The following SLCO6A1 variants were observed in gnomAD, a reference collection of about 807,000 sequenced individuals.
The protein encoded by SLCO6A1 is solute carrier organic anion transporter family member 6A1.
In SLCO6A1, 65 loss-of-function variants were observed where a neutral mutation model predicts 72.7. That is an observed-to-expected ratio of 0.89 (90% CI 0.73 to 1.10). The LOEUF is 1.10. SLCO6A1 is among the 50% of genes least tolerant of loss of function. SLCO6A1 has a pLI of 0.00. For missense variants in SLCO6A1, 874 were observed against 872.6 expected, an observed-to-expected ratio of 1.00 and a Z score of -0.02; for synonymous variants, 314 against 298.2, an observed-to-expected ratio of 1.05 and a Z score of -0.55.
chr5:102,442,393 G>A (rs932167226), intron 6 of SLCO6A1, among the ~76,000 whole-genome samples: 11 of 152,154 alleles, frequency 7.2e-5, no homozygotes, highest in Non-Finnish European at 1.3e-4. Flanking sequence ...ATCTGTAAAC[G>A]AGAAACAATA....
At chr5:102,380,883 G>A (rs773878514) in intron 12 of SLCO6A1, among the ~76,000 whole-genome samples, 4 of 151,848 alleles carry the variant, frequency 2.6e-5, no homozygotes. Context: ...AATCACCTGA[G>A]TACTTTATTT....
intron 4 of SLCO6A1, among the ~76,000 whole-genome samples, chr5:102,467,756 T>C (rs908530692): frequency 9.9e-5 from 15 of 152,252 alleles, no homozygotes; most frequent in African/African-American, 3.4e-4. Flanking sequence ...TAATGGTCTA[T>C]ATATTTTGTT....
chr5:102,419,118 G>C (rs1748448785), intron 8 of SLCO6A1, among the ~76,000 whole-genome samples: 1 of 152,020 alleles, frequency 6.6e-6, no homozygotes, highest in African/African-American at 2.4e-5. Flanking sequence ...GCAAAAAGTT[G>C]CCCCTCCTCT....
intron 7 of SLCO6A1, among the ~76,000 whole-genome samples, chr5:102,429,711 G>A (rs146818285): frequency 3.8e-4 from 58 of 151,330 alleles, no homozygotes; most frequent in African/African-American, 1.2e-3. Context: ...CTGTAGCCCC[G>A]TAGTATAGTC....
chr5:102,402,903 T>A (rs768052711), intron 9 of SLCO6A1, among the ~76,000 whole-genome samples: 1 of 152,214 alleles, frequency 6.6e-6, no homozygotes, highest in Non-Finnish European at 1.5e-5. Context: ...TACTATATAA[T>A]GTTAGTTTCT....
At chr5:102,431,508 T>C (rs1749216476) in intron 7 of SLCO6A1, among the ~76,000 whole-genome samples, 1 of 152,080 alleles carries the variant, frequency 6.6e-6, no homozygotes, top group Non-Finnish European at 1.5e-5. Context: ...TCATTCAGGG[T>C]GGGTCATTTA....
In SLCO6A1 at chr5:102,388,792, G is replaced by C. The variant is rs1476092560; in HGVS notation, c.1913C>G (p.Ser638Ter). 1.9e-6 allele frequency: 3 copies of C among 1,606,876 alleles called. No homozygotes were observed. ...CCGTAAAATACAAGAAGTTTCTCCTGACATTTTAAAGATTGATGGTCCAGG... is the reference window on the plus strand; with the variant it reads ...CCGTAAAATACAAGAAGTTTCTCCTCACATTTTAAAGATTGATGGTCCAGG... ...TIPGPSIFKM[S>*]GETSCILRDV... Residue 638 changes from serine (S) to a stop codon, truncating the protein, a stop_gained, in exon 12 of 14, where the codon TCA becomes TGA. Transcript: ENST00000506729. LOFTEE classifies it high-confidence loss of function.
At chr5:102,439,117 T>A (rs1042131535) in intron 6 of SLCO6A1, among the ~76,000 whole-genome samples, 1 of 152,050 alleles carries the variant, frequency 6.6e-6, no homozygotes, top group South Asian at 2.1e-4. Context: ...TCCTTACTTT[T>A]GCTTCTCTAC....
At chr5:102,413,210 A>G (rs1359177567) in intron 8 of SLCO6A1, 67 bp from the exon 9 acceptor site, 3 of 1,410,422 alleles carry the variant, frequency 2.1e-6, no homozygotes, top group Non-Finnish European at 2.9e-6. Flanking sequence ...AAATGTCAAG[A>G]TATCAGTGAG....
chr5:102,469,414 C>G (rs1181348595), intron 4 of SLCO6A1, among the ~76,000 whole-genome samples: 1 of 152,010 alleles, frequency 6.6e-6, no homozygotes, highest in East Asian at 1.9e-4. Context: ...ATTTTATTCT[C>G]TTTGTAGTAA....
intron 8 of SLCO6A1, among the ~76,000 whole-genome samples, chr5:102,415,484 G>T (rs1194096958): frequency 6.6e-6 from 1 of 152,122 alleles, no homozygotes; most frequent in Non-Finnish European, 1.5e-5. Context: ...AATATATGAT[G>T]CTGGGAAAAT....
chr5:102,448,967 T>C (rs1750264547), intron 6 of SLCO6A1, among the ~76,000 whole-genome samples: 1 of 151,830 alleles, frequency 6.6e-6, no homozygotes, highest in African/African-American at 2.4e-5. Flanking sequence ...ATAGTGTCAA[T>C]AGTACTTGAG....
intron 1 of SLCO6A1, among the ~76,000 whole-genome samples, chr5:102,496,626 A>G (rs565140870): frequency 1.3e-5 from 2 of 152,300 alleles, no homozygotes; most frequent in South Asian, 4.1e-4. Context: ...ATCCTTTCAG[A>G]ATTATGTCTG....
intron 10 of SLCO6A1, among the ~76,000 whole-genome samples, chr5:102,396,924 C>T (rs1179233060): frequency 6.6e-6 from 1 of 152,174 alleles, no homozygotes; most frequent in Non-Finnish European, 1.5e-5. Flanking sequence ...GCCATGAATG[C>T]TTCACCCTCA....
chr5:102,413,149 A>G lies in SLCO6A1; in HGVS notation c.1473-6T>C. 1 of 1,559,058 alleles carries G rather than the reference A, an allele frequency of 6.4e-7. No homozygotes were observed. The highest frequency in any genetic ancestry group is 8.6e-7 in the Non-Finnish European group (1 of 1,161,492). On this transcript the variant is annotated splice_region_variant and splice_polypyrimidine_tract_variant and intron_variant, in intron 8 of 13. Coordinates refer to ENST00000506729, the MANE Select transcript of SLCO6A1 (RefSeq NM_173488.5). ...GGTTTCCCAACTTCCCTGTTCTGTA[A>G]AAACAAGATTGAATGTAATCATATT...
At position 102,413,091 on chromosome 5, in the gene SLCO6A1, A is replaced by G. The variant is rs1580379186; in HGVS notation, c.1525T>C (p.Ser509Pro). ...TAPCNEKCRC[S>P]SSIYSSICGR... ...CATATAGAAGAATAAATTGAAGATG[A>G]GCATCTACATTTTTCATTGCAAGGA... The change falls in exon 9 of 14, where the codon TCA (serine) becomes CCA (proline). Residue 509 changes from serine (S) to proline (P), a missense_variant. Ser to Pro is a moderately conservative substitution (Grantham distance 74, BLOSUM62 -1). Transcript: ENST00000506729. The G allele has an allele frequency of 5.7e-6, 9 of 1,572,712 alleles. No homozygotes were observed. The highest frequency in any genetic ancestry group is 7.7e-6 in the Non-Finnish European group (9 of 1,165,078).
chr5:102,455,281 G>A (rs1454463187), intron 6 of SLCO6A1, among the ~76,000 whole-genome samples: 2 of 151,940 alleles, frequency 1.3e-5, no homozygotes, highest in African/African-American at 2.4e-5. Context: ...GGAAAATTCA[G>A]TTGATGCTAC....
chr5:102,404,983 T>C (rs1013075398), intron 9 of SLCO6A1, among the ~76,000 whole-genome samples: 1 of 152,122 alleles, frequency 6.6e-6, no homozygotes, highest in African/African-American at 2.4e-5. Context: ...CTCCATACAC[T>C]GGAGGTATCT....
chr5:102,372,077 A>G lies in SLCO6A1; in HGVS notation c.*62T>C, dbSNP rs768742501. 2 of 152,020 alleles carry G rather than the reference A, an allele frequency of 1.3e-5. No individual in the cohort carries two copies. The highest frequency in any genetic ancestry group is 2.9e-5 in the Non-Finnish European group (2 of 67,916). 9.4% of individuals were successfully genotyped at this position (152,020 alleles called of 1,614,324 possible). On this transcript the variant is annotated 3_prime_UTR_variant, in exon 14 of 14. Coordinates refer to ENST00000506729, the MANE Select transcript of SLCO6A1 (RefSeq NM_173488.5). ...AGAAACAAATCTTGGAGAATCTGTA[A>G]AAGAGAAACTCGTTTTCACACTCTG...
Sources: gnomAD v4.1 joint callset for allele counts (sites outside exome capture counted in the v4.1 genomes callset) on GRCh38, gnomAD v4.1.1 for gene constraint, MANE v1.5 for transcripts, NCBI Gene and HGNC (gene_info 2026-07-23, HGNC 2026-07-21) for gene names.